WWOX: variants seen among roughly 807,000 people sequenced by gnomAD.
The protein encoded by WWOX is WW domain containing oxidoreductase, also known as WW domain-containing oxidoreductase.
In WWOX, 69 loss-of-function variants were observed where a neutral mutation model predicts 46.2. The ratio of observed to expected loss-of-function variants is 1.49; its 90% CI spans 1.23 to 1.82. The LOEUF is 1.82. WWOX is among the 40% of genes most tolerant of loss of function. The probability of loss-of-function intolerance (pLI) is 0.00; values close to 1 mark genes in which losing one functional copy is unlikely to be tolerated. For missense variants in WWOX, 919 were observed against 542.6 expected (o/e 1.69, Z -6.89); for synonymous variants, 359 against 202.6 (o/e 1.77, Z -6.56).
chr16:78,572,602 CAAAAAAAAAAA>C (rs35178787), intron 8 of WWOX, among the ~76,000 whole-genome samples: 2 of 41,504 alleles, frequency 4.8e-5, no homozygotes, highest in South Asian at 1.6e-3. Flanking sequence ...GACTCTGTCT[CAAAAAAAAAAA>C]AAAAAAAAAA....
intron 8 of WWOX, among the ~76,000 whole-genome samples, chr16:78,671,424 C>T (rs1262286463): frequency 1.3e-5 from 2 of 152,044 alleles, no homozygotes; most frequent in Non-Finnish European, 1.5e-5. Context: ...GACTGTGTCT[C>T]AAAAATTAAA....
chr16:78,624,851 G>C (rs1028228185), intron 8 of WWOX, among the ~76,000 whole-genome samples: 2 of 152,194 alleles, frequency 1.3e-5, no homozygotes, highest in South Asian at 2.1e-4. Flanking sequence ...AGCAGATATC[G>C]TATGAACATG....
intron 4 of WWOX, among the ~76,000 whole-genome samples, chr16:78,127,386 G>C (rs1201993226): frequency 1.3e-5 from 2 of 151,954 alleles, no homozygotes; most frequent in Non-Finnish European, 2.9e-5. Context: ...TAATCTCTGT[G>C]AATTTGTCCT....
At chr16:78,719,545 T>A (rs2048644517) in intron 8 of WWOX, among the ~76,000 whole-genome samples, 1 of 152,162 alleles carries the variant, frequency 6.6e-6, no homozygotes, top group South Asian at 2.1e-4. Flanking sequence ...TGTCGTTAAT[T>A]AAGAAGGAGA....
chr16:79,202,929 C>G (rs981164252), intron 8 of WWOX: 2 of 152,138 alleles, frequency 1.3e-5, no homozygotes, highest in Non-Finnish European at 1.5e-5. Context: ...AGAATGCAAA[C>G]TTTAAAAAAG....
At chr16:78,236,254 A>T (rs181741768) in intron 5 of WWOX, among the ~76,000 whole-genome samples, 1 of 152,246 alleles carries the variant, frequency 6.6e-6, no homozygotes, top group African/African-American at 2.4e-5. Flanking sequence ...GACATCATTT[A>T]TGCAAAGCAT....
chr16:79,155,420 A>G (rs1417606210), intron 8 of WWOX, among the ~76,000 whole-genome samples: 2 of 152,172 alleles, frequency 1.3e-5, no homozygotes, highest in East Asian at 1.9e-4. Flanking sequence ...AGAGTAAAAT[A>G]TTTTAGACTT....
chr16:79,089,613 A>C (rs2048917097), intron 8 of WWOX, among the ~76,000 whole-genome samples: 2 of 152,110 alleles, frequency 1.3e-5, no homozygotes, highest in Non-Finnish European at 2.9e-5. Flanking sequence ...TACAGGCATG[A>C]GCCACCACGC....
chr16:79,132,493 C>T (rs907062883), intron 8 of WWOX, among the ~76,000 whole-genome samples: 1 of 152,052 alleles, frequency 6.6e-6, no homozygotes, highest in Non-Finnish European at 1.5e-5. Flanking sequence ...TTACTTGCCA[C>T]GTTTCAGATG....
At chr16:78,783,773 C>G (rs939320199) in intron 8 of WWOX, among the ~76,000 whole-genome samples, 1 of 151,226 alleles carries the variant, frequency 6.6e-6, no homozygotes, top group Non-Finnish European at 1.5e-5. Context: ...TATGATAATG[C>G]TGATGGTGGT....
chr16:78,777,327 T>C (rs1382186106), intron 8 of WWOX, among the ~76,000 whole-genome samples: 2 of 152,154 alleles, frequency 1.3e-5, no homozygotes, highest in Non-Finnish European at 2.9e-5. Flanking sequence ...GATGATGTTG[T>C]CCAGGACAGT....
intron 5 of WWOX, among the ~76,000 whole-genome samples, chr16:78,272,215 C>T (rs1351824776): frequency 6.6e-6 from 1 of 152,122 alleles, no homozygotes; most frequent in African/African-American, 2.4e-5. Context: ...TGGTGCTATG[C>T]TGGAGGATGA....
At chr16:79,061,147 G>A (rs2048351047) in intron 8 of WWOX, among the ~76,000 whole-genome samples, 1 of 152,154 alleles carries the variant, frequency 6.6e-6, no homozygotes, top group African/African-American at 2.4e-5. Context: ...CCTTTATGTT[G>A]AGGGAGAAAT....
chr16:78,988,094 G>C (rs2046816069), intron 8 of WWOX, among the ~76,000 whole-genome samples: 2 of 152,138 alleles, frequency 1.3e-5, no homozygotes, highest in Admixed American at 6.5e-5. Flanking sequence ...TGTAATACCA[G>C]CAGTTTGGGA....
chr16:78,489,631 T>C (rs1015432864), intron 8 of WWOX, among the ~76,000 whole-genome samples: 5 of 152,196 alleles, frequency 3.3e-5, no homozygotes, highest in African/African-American at 1.2e-4. Flanking sequence ...CTCTATTTCT[T>C]TGTGACCTGA....
chr16:78,252,374 T>A (rs975206971), intron 5 of WWOX, among the ~76,000 whole-genome samples: 1 of 152,214 alleles, frequency 6.6e-6, no homozygotes, highest in Non-Finnish European at 1.5e-5. Flanking sequence ...GAGTTAAAAT[T>A]GACAAGTTAG....
At chr16:79,082,613 GT>G (rs1307134004) in intron 8 of WWOX, among the ~76,000 whole-genome samples, 2 of 152,150 alleles carry the variant, frequency 1.3e-5, no homozygotes, top group African/African-American at 2.4e-5. Context: ...AGTCGCGAGT[GT>G]TTTGATTTCA....
intron 8 of WWOX, among the ~76,000 whole-genome samples, chr16:79,059,162 G>C (rs9972753): frequency 6.6e-6 from 1 of 151,988 alleles, no homozygotes; most frequent in South Asian, 2.1e-4. Context: ...GAGAATTATG[G>C]AACAATAATT....
intron 8 of WWOX, among the ~76,000 whole-genome samples, chr16:78,785,256 C>T (rs1281625192): frequency 6.6e-6 from 1 of 152,226 alleles, no homozygotes; most frequent in Admixed American, 6.5e-5. Context: ...TCTCTTCCCA[C>T]CTTCGATGGG....
Sources: gnomAD v4.1 joint callset for allele counts (sites outside exome capture counted in the v4.1 genomes callset) on GRCh38, gnomAD v4.1.1 for gene constraint, MANE v1.5 for transcripts, NCBI Gene and HGNC (gene_info 2026-07-23, HGNC 2026-07-21) for gene names.